Variants in CUL3 observed in about 807,000 individuals in gnomAD.
CUL3 encodes cullin-3.
In CUL3, 19 loss-of-function variants were observed where a neutral mutation model predicts 89.1. The ratio of observed to expected loss-of-function variants is 0.21; its 90% CI spans 0.15 to 0.31. The LOEUF (loss-of-function observed/expected upper bound fraction) is 0.31. Among genes scored for constraint, CUL3 ranks in the 10% least tolerant of loss-of-function variants. The pLI is 1.00. For missense variants in CUL3, 469 were observed against 942.3 expected (o/e 0.50, Z 6.58); for synonymous variants, 351 against 308.4 (o/e 1.14, Z -1.45).
chr2:224,503,934 G>T, intron 8 of CUL3, 112 bp from the exon 9 acceptor site: 1 of 770,436 alleles, frequency 1.3e-6, no homozygotes, highest in East Asian at 2.9e-5. Flanking sequence ...ATATCTGGTT[G>T]ACATACATCA....
intron 13 of CUL3, among the ~76,000 whole-genome samples, chr2:224,491,071 T>C (rs1056792630): frequency 3.9e-5 from 6 of 152,214 alleles, no homozygotes; most frequent in Admixed American, 2.6e-4. Context: ...CTTTCCTACC[T>C]AAGACCCATC....
At chr2:224,518,457 A>G (rs1693146524) in intron 3 of CUL3, among the ~76,000 whole-genome samples, 1 of 152,142 alleles carries the variant, frequency 6.6e-6, no homozygotes, top group Non-Finnish European at 1.5e-5. Flanking sequence ...TTTTGTGGAC[A>G]TATGCTTTCA....
chr2:224,546,874 A>C (rs1694323980), intron 2 of CUL3, among the ~76,000 whole-genome samples: 1 of 152,006 alleles, frequency 6.6e-6, no homozygotes, highest in Non-Finnish European at 1.5e-5. Context: ...ACTCTCTAAT[A>C]ATCCCTTTTC....
At chr2:224,584,918 G>T in intron 1 of CUL3, 26 bp downstream of exon 1, 1 of 1,453,374 alleles carries the variant, frequency 6.9e-7, no homozygotes, top group East Asian at 3.1e-5. Flanking sequence ...CGGCCCCGGG[G>T]TCCCGGACGC....
rs560635433 is a variant in CUL3, at chr2:224,569,074, C to T, written c.67-11218G>A. Among the ~76,000 whole-genome samples the T allele has an allele frequency of 2.6e-5, 4 of 152,182 alleles. No homozygotes were observed. In the East Asian group the frequency reaches 7.7e-4, roughly 29 times the overall value. On this transcript the variant is annotated intron_variant, in intron 1 of 15. Coordinates refer to ENST00000264414, the MANE Select transcript of CUL3 (RefSeq NM_003590.5). ...TTCCAGGAGCAATAAAATTTAAAGG[C>T]TCTAACTTTATGTATTAATATATTT...
At chr2:224,475,531 C>G (rs971000022) in intron 15 of CUL3, among the ~76,000 whole-genome samples, 21 of 152,180 alleles carry the variant, frequency 1.4e-4, no homozygotes, top group African/African-American at 5.1e-4. Flanking sequence ...TTTCCCAAAG[C>G]CACAATGGAT....
At chr2:224,487,509 G>C (rs957849459) in intron 13 of CUL3, among the ~76,000 whole-genome samples, 1 of 135,942 alleles carries the variant, frequency 7.4e-6, no homozygotes, top group African/African-American at 2.9e-5. Context: ...AGACAAAGAA[G>C]GGCATTACAT....
At chr2:224,502,936 T>A in intron 10 of CUL3, 29 bp downstream of exon 10, 1 of 1,491,972 alleles carries the variant, frequency 6.7e-7, no homozygotes, top group Non-Finnish European at 9.3e-7. Context: ...TACATGAATA[T>A]CTAAGTAGAA....
At position 224,471,331 on chromosome 2, in the gene CUL3, A is replaced by C. The variant is rs1691122294; in HGVS notation, c.*2914T>G. On this transcript the variant is annotated 3_prime_UTR_variant, in exon 16 of 16. Transcript: ENST00000264414. ...TAAAAATCTTTAACACTAGTTACTGAAAATGAGTATCTTAAACTGTAAACA... is the reference window on the plus strand; with the variant it reads ...TAAAAATCTTTAACACTAGTTACTGCAAATGAGTATCTTAAACTGTAAACA... 4.9e-6 allele frequency: 1 copy of C among 202,806 alleles called. No individual in the cohort carries two copies. The highest frequency in any genetic ancestry group is 1.0e-5 in the Non-Finnish European group (1 of 98,892). 12.6% of individuals were successfully genotyped at this position (202,806 alleles called of 1,614,324 possible). A position where few individuals can be genotyped will look rare whatever the true frequency, so the allele number is the denominator to read the frequency against.
At position 224,535,398 on chromosome 2, in the gene CUL3, G is replaced by A. The variant is rs1338588918; in HGVS notation, c.378+130C>T. Reference sequence around the variant, plus strand: ...CTGGCCAGGCTGGTCTCAATGTCCTGACCTTAAATGATATGCCCACCTTGG... The same window carrying A: ...CTGGCCAGGCTGGTCTCAATGTCCTAACCTTAAATGATATGCCCACCTTGG... On this transcript the variant is annotated intron_variant, in intron 3 of 15. Coordinates refer to ENST00000264414, the MANE Select transcript of CUL3 (RefSeq NM_003590.5). 3 of 554,070 alleles carry A rather than the reference G, an allele frequency of 5.4e-6. No individual in the cohort carries two copies. The African/African-American group carries it at 5.9e-5, about 11-fold the overall frequency. 34.3% of individuals were successfully genotyped at this position (554,070 alleles called of 1,614,324 possible).
chr2:224,506,628 G>T (rs1314419368), intron 7 of CUL3, among the ~76,000 whole-genome samples: 2 of 152,052 alleles, frequency 1.3e-5, no homozygotes, highest in African/African-American at 2.4e-5. Flanking sequence ...ATTTAAACAA[G>T]GTCTTCATCA....
chr2:224,577,586 G>A (rs1695332565), intron 1 of CUL3, among the ~76,000 whole-genome samples: 1 of 148,736 alleles, frequency 6.7e-6, no homozygotes, highest in African/African-American at 2.5e-5. Flanking sequence ...AAAAAAAAAG[G>A]TGATGCAGCT....
intron 5 of CUL3, among the ~76,000 whole-genome samples, chr2:224,513,265 T>C (rs1482946302): frequency 6.6e-6 from 1 of 152,188 alleles, no homozygotes; most frequent in East Asian, 1.9e-4. Context: ...TCAGCATCCC[T>C]ATGCCCCACA....
intron 2 of CUL3, among the ~76,000 whole-genome samples, chr2:224,544,021 A>G (rs925054004): frequency 6.6e-6 from 1 of 151,852 alleles, no homozygotes; most frequent in Admixed American, 6.6e-5. Flanking sequence ...CAGATTTTGG[A>G]TTTTTGGATT....
chr2:224,548,282 C>T (rs1456300580), intron 2 of CUL3, among the ~76,000 whole-genome samples: 1 of 152,192 alleles, frequency 6.6e-6, no homozygotes, highest in Non-Finnish European at 1.5e-5. Context: ...AATGCTCACA[C>T]CAGAGCCTTG....
At position 224,506,881 on chromosome 2, in the gene CUL3, T is replaced by C; in HGVS notation, c.1006A>G (p.Lys336Glu). 3 of 1,613,616 alleles carry C rather than the reference T, an allele frequency of 1.9e-6. No homozygotes were observed. The highest frequency in any genetic ancestry group is 2.5e-6 in the Non-Finnish European group (3 of 1,179,730). The change falls in exon 7 of 16, where the codon AAG becomes GAG. Residue 336 changes from lysine to glutamate, a missense_variant. By Grantham distance (56) the Lys-to-Glu change is moderately conservative. Transcript: ENST00000264414. ...ACCTGGATATAGTCAACAGGATTCT[T>C]TCCTTCTCCTTCTTCAGAAACAAGA... ...KALVSEEGEG[K>E]NPVDYIQGLL...
chr2:224,497,138 A>T (rs937246690), intron 12 of CUL3, among the ~76,000 whole-genome samples: 5 of 152,148 alleles, frequency 3.3e-5, no homozygotes, highest in African/African-American at 1.2e-4. Flanking sequence ...CCTAGATGAC[A>T]ATTTAGGTAT....
rs1275273875 is a variant in CUL3 at position 224,549,009 on chromosome 2, C to T, written c.264+8650G>A. Among the ~76,000 whole-genome samples the T allele has an allele frequency of 2.0e-5, 3 of 150,690 alleles. No individual in the cohort carries two copies. The South Asian group carries it at 6.4e-4, about 32-fold the overall frequency. ...ACAATAAGGCCTGGTCTCCAAAAAA[C>T]AACAACAACAACAACAACAAAAAAG... On this transcript the variant is annotated intron_variant, in intron 2 of 15. Transcript: ENST00000264414.
chr2:224,580,048 C>T (rs942688247), intron 1 of CUL3, among the ~76,000 whole-genome samples: 1 of 152,152 alleles, frequency 6.6e-6, no homozygotes, highest in African/African-American at 2.4e-5. Context: ...GGAAGAGACT[C>T]CCTGGGGCAG....
Sources: allele counts gnomAD v4.1 joint callset (sites outside exome capture counted in the v4.1 genomes callset), GRCh38; gene constraint gnomAD v4.1.1; transcripts MANE v1.5; gene names NCBI Gene and HGNC (gene_info 2026-07-23, HGNC 2026-07-21).